GRM1: variants seen among roughly 807,000 people sequenced by gnomAD.
GRM1 encodes the protein metabotropic glutamate receptor 1.
In GRM1, 33 loss-of-function variants were observed where a neutral mutation model predicts 90.9. The ratio of observed to expected loss-of-function variants is 0.36; its 90% CI spans 0.28 to 0.49. GRM1 has a LOEUF of 0.49. Among genes scored for constraint, GRM1 ranks in the 20% least tolerant of loss-of-function variants. GRM1 has a pLI of 0.99. For missense variants in GRM1, 1,190 were observed against 1,534.3 expected (o/e 0.78, Z 3.75); for synonymous variants, 700 against 613.2 (o/e 1.14, Z -2.09).
chr6:146,393,098 G>C (rs1398008362), intron 6 of GRM1, among the ~76,000 whole-genome samples: 1 of 152,128 alleles, frequency 6.6e-6, no homozygotes, highest in African/African-American at 2.4e-5. Flanking sequence ...AGATCCTTGA[G>C]GAATCACCAC....
At chr6:146,154,391 G>A (rs192828691) in intron 1 of GRM1, among the ~76,000 whole-genome samples, 26 of 152,202 alleles carry the variant, frequency 1.7e-4, no homozygotes, top group African/African-American at 6.0e-4. Context: ...TAAGCCATTC[G>A]CTGGCCAGCT....
chr6:146,398,073 C>A (rs1469552343), intron 6 of GRM1, among the ~76,000 whole-genome samples: 2 of 152,272 alleles, frequency 1.3e-5, no homozygotes, highest in East Asian at 3.9e-4. Context: ...AATTTAGGAA[C>A]AAATTCTAGT....
chr6:146,099,110 G>C (rs1236901159), intron 1 of GRM1, among the ~76,000 whole-genome samples: 1 of 152,156 alleles, frequency 6.6e-6, no homozygotes, highest in African/African-American at 2.4e-5. Flanking sequence ...TGTCGGTTGG[G>C]TGTGGAGGCT....
chr6:146,079,229 T>A (rs1211919690), intron 1 of GRM1, among the ~76,000 whole-genome samples: 1 of 152,184 alleles, frequency 6.6e-6, no homozygotes, highest in African/African-American at 2.4e-5. Context: ...GCAATGCCCG[T>A]GGGCTGGACA....
At chr6:146,114,158 A>G (rs1368949443) in intron 1 of GRM1, among the ~76,000 whole-genome samples, 1 of 152,198 alleles carries the variant, frequency 6.6e-6, no homozygotes, top group Admixed American at 6.5e-5. Flanking sequence ...TTTGGAAAAG[A>G]TGATCTCATT....
chr6:146,031,003 C>A (rs967702661), intron 1 of GRM1, among the ~76,000 whole-genome samples: 1 of 152,054 alleles, frequency 6.6e-6, no homozygotes, highest in Non-Finnish European at 1.5e-5. Context: ...AAAGTTAGAT[C>A]AGTTATAAAA....
chr6:146,082,029 G>A (rs1284751034), intron 1 of GRM1, among the ~76,000 whole-genome samples: 1 of 152,180 alleles, frequency 6.6e-6, no homozygotes, highest in Non-Finnish European at 1.5e-5. Context: ...CTGAAATGCA[G>A]GCATCAAGAA....
intron 2 of GRM1, among the ~76,000 whole-genome samples, chr6:146,297,966 T>C (rs1163344050): frequency 6.6e-6 from 1 of 152,176 alleles, no homozygotes; most frequent in Middle Eastern, 3.2e-3. Context: ...TTACCTTCTC[T>C]GTGGTGCTGA....
intron 3 of GRM1, among the ~76,000 whole-genome samples, chr6:146,335,497 G>A (rs1194210592): frequency 1.3e-5 from 2 of 152,090 alleles, no homozygotes; most frequent in Admixed American, 6.6e-5. Flanking sequence ...ATCACATTGT[G>A]CTAAATACAC....
intron 1 of GRM1, among the ~76,000 whole-genome samples, chr6:146,097,720 C>T (rs992910171): frequency 6.6e-6 from 1 of 152,202 alleles, no homozygotes; most frequent in African/African-American, 2.4e-5. Context: ...CCTCTGCTAT[C>T]GCAGTTTCCT....
At chr6:146,407,681 A>G (rs1451439598) in intron 7 of GRM1, among the ~76,000 whole-genome samples, 1 of 152,198 alleles carries the variant, frequency 6.6e-6, no homozygotes, top group Admixed American at 6.5e-5. Flanking sequence ...TGAGGCTTGG[A>G]AAGCTCAATG....
At chr6:146,376,703 C>CT (rs1403142112) in intron 5 of GRM1, among the ~76,000 whole-genome samples, 1 of 151,998 alleles carries the variant, frequency 6.6e-6, no homozygotes, top group Non-Finnish European at 1.5e-5. Context: ...TTTTAGAATC[C>CT]TTTCTTCATC....
chr6:146,295,439 G>A (rs1783142093), intron 2 of GRM1, among the ~76,000 whole-genome samples: 1 of 151,256 alleles, frequency 6.6e-6, no homozygotes, highest in African/African-American at 2.4e-5. Context: ...CATCATGTTG[G>A]CCAGGCTGGT....
intron 4 of GRM1, 95 bp from the exon 5 acceptor site, chr6:146,357,431 T>G: frequency 1.0e-6 from 1 of 998,186 alleles, no homozygotes; most frequent in Non-Finnish European, 1.6e-6. Context: ...TGATTCTAGC[T>G]TTCTCTTGTT....
chr6:146,187,654 T>C (rs1279672266), intron 2 of GRM1, among the ~76,000 whole-genome samples: 3 of 152,062 alleles, frequency 2.0e-5, no homozygotes, highest in African/African-American at 7.2e-5. Flanking sequence ...GATGTTCTCT[T>C]ATTACTGGGT....
chr6:146,397,701 A>G (rs1236782551), intron 6 of GRM1, among the ~76,000 whole-genome samples: 3 of 152,050 alleles, frequency 2.0e-5, no homozygotes, highest in African/African-American at 7.2e-5. Context: ...GAGACTGTTG[A>G]TTAGTTGGCA....
At chr6:146,202,833 G>C (rs1779349213) in intron 2 of GRM1, among the ~76,000 whole-genome samples, 1 of 152,154 alleles carries the variant, frequency 6.6e-6, no homozygotes, top group Admixed American at 6.5e-5. Context: ...TTAGTCGAAG[G>C]CTCTACCTCA....
intron 1 of GRM1, among the ~76,000 whole-genome samples, chr6:146,060,685 A>G (rs1775635697): frequency 6.6e-6 from 1 of 152,060 alleles, no homozygotes; most frequent in Non-Finnish European, 1.5e-5. Flanking sequence ...TGTCTTTACT[A>G]TTGTGAATAG....
chr6:146,325,254 A>G (rs1281104385), intron 3 of GRM1, among the ~76,000 whole-genome samples: 1 of 152,222 alleles, frequency 6.6e-6, no homozygotes, highest in East Asian at 1.9e-4. Context: ...AAAGGAGTTT[A>G]TACATAGTCC....
Sources: gnomAD v4.1 joint callset for allele counts (sites outside exome capture counted in the v4.1 genomes callset) on GRCh38, gnomAD v4.1.1 for gene constraint, MANE v1.5 for transcripts, NCBI Gene and HGNC (gene_info 2026-07-23, HGNC 2026-07-21) for gene names.